NEGR1: variants seen among roughly 807,000 people sequenced by gnomAD.
The protein encoded by NEGR1 is neuronal growth regulator 1, also known as IgLON family member 4.
NEGR1 carries 10 observed loss-of-function variants against 40.9 expected under a neutral mutation model. The ratio of observed to expected loss-of-function variants is 0.24; its 90% confidence interval spans 0.15 to 0.42. The LOEUF (loss-of-function observed/expected upper bound fraction) is 0.42, where lower values mean the gene tolerates loss of function less well. Among genes scored for constraint, NEGR1 ranks in the 10% least tolerant of loss-of-function variants. NEGR1 has a pLI of 1.00. For missense variants in NEGR1, 352 were observed against 438.9 expected (o/e 0.80, Z 1.77); for synonymous variants, 185 against 166.8 (o/e 1.11, Z -0.84).
chr1:72,014,352 G>T (rs1285898109), intron 1 of NEGR1, among the ~76,000 whole-genome samples: 1 of 151,984 alleles, frequency 6.6e-6, no homozygotes, highest in Non-Finnish European at 1.5e-5. Flanking sequence ...AAGTGATATT[G>T]AATCTAGGAC....
In NEGR1 at chr1:71,901,155, A is replaced by G. The variant is rs139438227; in HGVS notation, c.409+33924T>C. 5.8e-4 allele frequency among the ~76,000 whole-genome samples: 89 copies of G among 152,308 alleles called. 1 individual carries two copies. Among genetic ancestry groups the G allele is most frequent in the African/African-American group, 1.9e-3 (81 of 41,572 alleles). ...CATATAGAAGTGTCAAAAACATTCT[A>G]TCAATGCATGATTAAAGTATGATAA... On this transcript the variant is annotated intron_variant, in intron 2 of 6. Transcript: ENST00000357731.
intron 6 of NEGR1, among the ~76,000 whole-genome samples, chr1:71,569,934 T>G (rs1368814857): frequency 6.6e-6 from 1 of 152,142 alleles, no homozygotes; most frequent in Non-Finnish European, 1.5e-5. Context: ...TTTTTCAGTG[T>G]TGGTGGTTAT....
rs190934602 is a variant in NEGR1, at chr1:71,708,718, C to T, written c.536-10579G>A. ...TCCCATCACCACATATTAAGCCCAG[C>T]ATCCATTAGCTATTCTTCCTGATGC... is the stretch of plus-strand genomic sequence containing the variant. On this transcript the variant is annotated intron_variant, in intron 3 of 6. Coordinates refer to ENST00000357731, the MANE Select transcript of NEGR1 (RefSeq NM_173808.3). Among the ~76,000 whole-genome samples the T allele has an allele frequency of 1.4e-4, 21 of 152,194 alleles. No individual in the cohort carries two copies. The East Asian group carries it at 2.7e-3, about 20-fold the overall frequency.
intron 2 of NEGR1, among the ~76,000 whole-genome samples, chr1:71,800,410 G>A (rs1461976234): frequency 3.3e-5 from 5 of 152,124 alleles, no homozygotes; most frequent in Admixed American, 1.3e-4. Context: ...TTTCGATCAT[G>A]AAGTCTTTGC....
intron 6 of NEGR1, among the ~76,000 whole-genome samples, chr1:71,431,659 T>C (rs912799094): frequency 5.3e-5 from 8 of 152,170 alleles, no homozygotes; most frequent in African/African-American, 1.7e-4. Context: ...ACTAGGGATA[T>C]AGCAATGAAC....
intron 2 of NEGR1, among the ~76,000 whole-genome samples, chr1:71,807,996 G>T (rs1432451410): frequency 6.6e-6 from 1 of 151,898 alleles, no homozygotes. Context: ...TCCTTTAAAA[G>T]AATTTTAAAA....
chr1:71,546,634 TAAAGA>T (rs1343954369), intron 6 of NEGR1, among the ~76,000 whole-genome samples: 3 of 151,584 alleles, frequency 2.0e-5, no homozygotes, highest in Non-Finnish European at 4.4e-5. Flanking sequence ...TCATCATTAC[TAAAGA>T]AAAGTAAACT....
At chr1:72,200,885 G>A (rs1364082642) in intron 1 of NEGR1, among the ~76,000 whole-genome samples, 1 of 151,766 alleles carries the variant, frequency 6.6e-6, no homozygotes, top group Non-Finnish European at 1.5e-5. Flanking sequence ...ATATGTATTT[G>A]CTAGATTATA....
intron 1 of NEGR1, among the ~76,000 whole-genome samples, chr1:72,199,146 CAGACAGAGAG>C (rs1329466875): frequency 0.01 from 1,392 of 139,172 alleles, 31 homozygotes; most frequent in African/African-American, 0.033. Flanking sequence ...TCTAGATAGA[CAGACAGAGAG>C]AGAGAGAGAG....
intron 2 of NEGR1, among the ~76,000 whole-genome samples, chr1:71,805,049 T>C (rs1205194564): frequency 6.6e-6 from 1 of 152,148 alleles, no homozygotes. Context: ...CAGTCGCAGC[T>C]GTAGGGATGA....
At chr1:72,133,114 C>A (rs1650319702) in intron 1 of NEGR1, among the ~76,000 whole-genome samples, 1 of 151,974 alleles carries the variant, frequency 6.6e-6, no homozygotes, top group Admixed American at 6.6e-5. Context: ...AGACTTATAA[C>A]CACTGTTACT....
At chr1:72,194,925 A>G (rs532674474) in intron 1 of NEGR1, among the ~76,000 whole-genome samples, 2 of 152,198 alleles carry the variant, frequency 1.3e-5, no homozygotes, top group South Asian at 2.1e-4. Context: ...GTCATCTGCC[A>G]TGCACGGTGA....
intron 1 of NEGR1, among the ~76,000 whole-genome samples, chr1:72,058,922 C>T (rs1343667197): frequency 6.6e-6 from 1 of 151,592 alleles, no homozygotes; most frequent in Non-Finnish European, 1.5e-5. Context: ...AAAAATGGAA[C>T]ATCTCATTTC....
chr1:72,066,906 A>G (rs557378998), intron 1 of NEGR1, among the ~76,000 whole-genome samples: 1 of 152,314 alleles, frequency 6.6e-6, no homozygotes, highest in South Asian at 2.1e-4. Flanking sequence ...TGTAAAAGCC[A>G]GACAGAATGC....
intron 6 of NEGR1, among the ~76,000 whole-genome samples, chr1:71,477,711 T>C (rs1646830350): frequency 6.6e-6 from 1 of 152,024 alleles, no homozygotes; most frequent in Non-Finnish European, 1.5e-5. Flanking sequence ...AAGGTAAATC[T>C]CTTGCTTGAA....
At chr1:71,537,007 A>G (rs1360607940) in intron 6 of NEGR1, among the ~76,000 whole-genome samples, 1 of 151,692 alleles carries the variant, frequency 6.6e-6, no homozygotes, top group Non-Finnish European at 1.5e-5. Context: ...TTCAGAGTTC[A>G]TTGATTCAGT....
At chr1:71,487,440 G>A (rs1105985) in intron 6 of NEGR1, among the ~76,000 whole-genome samples, 91,154 of 151,306 alleles carry the variant, frequency 0.6, 30,352 homozygotes, top group Non-Finnish European at 0.75. Flanking sequence ...TGATTATTTT[G>A]GTCCCAGAGT....
intron 6 of NEGR1, among the ~76,000 whole-genome samples, chr1:71,428,604 TTAAGTA>T (rs1342383288): frequency 1.3e-5 from 2 of 151,324 alleles, no homozygotes; most frequent in East Asian, 3.9e-4. Flanking sequence ...CCTATCATGT[TTAAGTA>T]TGTTTTAAAA....
At chr1:72,068,243 A>G (rs1647326245) in intron 1 of NEGR1, among the ~76,000 whole-genome samples, 1 of 152,112 alleles carries the variant, frequency 6.6e-6, no homozygotes, top group South Asian at 2.1e-4. Flanking sequence ...GAATCAGGAA[A>G]ACGAACTAAG....
Sources: allele counts gnomAD v4.1 joint callset (sites outside exome capture counted in the v4.1 genomes callset), GRCh38; gene constraint gnomAD v4.1.1; transcripts MANE v1.5; gene names NCBI Gene and HGNC (gene_info 2026-07-23, HGNC 2026-07-21).